KCTD1: variants seen among roughly 807,000 people sequenced by gnomAD.
The protein encoded by KCTD1 is potassium channel tetramerization domain containing 1.
KCTD1 carries 24 observed loss-of-function variants against 66.0 expected under a neutral mutation model. The ratio of observed to expected loss-of-function variants is 0.36; its 90% CI spans 0.26 to 0.51. The LOEUF (loss-of-function observed/expected upper bound fraction) is 0.51. KCTD1 is among the 20% of genes least tolerant of loss of function. KCTD1 has a pLI of 0.95. For synonymous variants in KCTD1, 511 were observed against 517.2 expected (o/e 0.99, Z 0.16); for missense variants, 943 against 1,205.2 (o/e 0.78, Z 3.22).
chr18:26,560,469 A>G, intron 1 of KCTD1, among the ~76,000 whole-genome samples: 1 of 152,080 alleles, frequency 6.6e-6, no homozygotes, highest in East Asian at 1.9e-4. Context: ...AAATACTGAT[A>G]CCCAGATCCT....
intron 1 of KCTD1, among the ~76,000 whole-genome samples, chr18:26,554,565 T>C (rs1598939080): frequency 6.6e-6 from 1 of 152,224 alleles, no homozygotes; most frequent in Non-Finnish European, 1.5e-5. Flanking sequence ...AGAGGCACTT[T>C]CTATTGAAAT....
At chr18:26,508,705 ATATT>A (rs146935757) in intron 1 of KCTD1, among the ~76,000 whole-genome samples, 61,773 of 148,290 alleles carry the variant, frequency 0.42, 13,759 homozygotes, top group Middle Eastern at 0.54. Context: ...GGATTTAAAT[ATATT>A]TCTCTCTCTC....
chr18:26,648,661 T>C (rs1222613262), intron 1 of KCTD1, among the ~76,000 whole-genome samples: 1 of 152,182 alleles, frequency 6.6e-6, no homozygotes, highest in African/African-American at 2.4e-5. Context: ...TATGTAACGT[T>C]CCTAGCATAT....
intron 1 of KCTD1, among the ~76,000 whole-genome samples, chr18:26,610,111 A>G (rs1949435142): frequency 6.6e-6 from 1 of 152,210 alleles, no homozygotes; most frequent in South Asian, 2.1e-4. Flanking sequence ...GGGTACATCT[A>G]TGGTGTCTGT....
chr18:26,636,011 TG>T (rs1987715745), intron 1 of KCTD1, among the ~76,000 whole-genome samples: 1 of 151,948 alleles, frequency 6.6e-6, no homozygotes, highest in African/African-American at 2.4e-5. Flanking sequence ...GGGGTTGTTA[TG>T]GGGTTGGGGC....
intron 1 of KCTD1, among the ~76,000 whole-genome samples, chr18:26,580,973 A>G (rs141299083): frequency 6.6e-6 from 1 of 152,340 alleles, no homozygotes; most frequent in East Asian, 1.9e-4. Context: ...TGGCCCACAC[A>G]GCCTAAACTA....
chr18:26,511,307 A>G (rs568233793), intron 1 of KCTD1, among the ~76,000 whole-genome samples: 50 of 152,346 alleles, frequency 3.3e-4, no homozygotes, highest in African/African-American at 1.2e-3. Context: ...CAGCTGACAC[A>G]GAAGACGATT....
chr18:26,509,171 A>G (rs1469443398), intron 1 of KCTD1, among the ~76,000 whole-genome samples: 1 of 151,828 alleles, frequency 6.6e-6, no homozygotes, highest in Admixed American at 6.6e-5. Context: ...AAAAAAAAAA[A>G]CAAACTCGGC....
chr18:26,472,652 T>C (rs1209904501), intron 3 of KCTD1, among the ~76,000 whole-genome samples: 1 of 152,138 alleles, frequency 6.6e-6, no homozygotes, highest in African/African-American at 2.4e-5. Flanking sequence ...CTCCCTAAAG[T>C]GGGAAAGGGT....
chr18:26,511,185 A>G (rs1400358264), intron 1 of KCTD1, among the ~76,000 whole-genome samples: 1 of 152,254 alleles, frequency 6.6e-6, no homozygotes, highest in East Asian at 1.9e-4. Flanking sequence ...AAAGAAATAC[A>G]AGAATGGAAC....
rs1000370116 is a variant in KCTD1 at position 26,466,355 on chromosome 18, G to A, written c.2134-6430C>T. Among the ~76,000 whole-genome samples, 6 of 152,180 alleles carry A rather than the reference G, an allele frequency of 3.9e-5. 1 individual carries two copies. The highest frequency in any genetic ancestry group is 3.3e-4 in the Admixed American group (5 of 15,278). On this transcript the variant is annotated intron_variant, in intron 3 of 4. Transcript: ENST00000580059. The stretch of plus-strand genomic sequence containing the variant: ...GGGCGGTCCTGTTGTTTCCATCCCT[G>A]AGAGAAAGCTTCCACTAATTCTATG...
At chr18:26,637,579 C>T (rs189350839) in intron 1 of KCTD1, among the ~76,000 whole-genome samples, 1 of 152,220 alleles carries the variant, frequency 6.6e-6, no homozygotes, top group African/African-American at 2.4e-5. Context: ...ACTAAGAAGC[C>T]TGGCGTCCTT....
At chr18:26,511,291 C>T (rs1022901335) in intron 1 of KCTD1, among the ~76,000 whole-genome samples, 21 of 152,076 alleles carry the variant, frequency 1.4e-4, no homozygotes, top group Non-Finnish European at 2.4e-4. Flanking sequence ...CAAGGGAGCT[C>T]GTATTCAGCT....
intron 2 of KCTD1, among the ~76,000 whole-genome samples, chr18:26,479,548 G>C (rs1431521289): frequency 6.6e-6 from 1 of 152,280 alleles, no homozygotes; most frequent in Non-Finnish European, 1.5e-5. Context: ...GGGGTGTGGA[G>C]AGAAAGAGGA....
chr18:26,538,590 G>T (rs544893774), intron 1 of KCTD1, among the ~76,000 whole-genome samples: 9 of 152,174 alleles, frequency 5.9e-5, no homozygotes, highest in Non-Finnish European at 1.2e-4. Flanking sequence ...CAAACTGAAG[G>T]CTGGGGCTAG....
At chr18:26,549,845 C>T (rs1985480301), upstream of KCTD1, 1 of 978,966 alleles carries the variant, frequency 1.0e-6, no homozygotes, top group Non-Finnish European at 1.2e-6. Context: ...TCTCGCTTTC[C>T]CATAGGAGAC....
chr18:26,618,982 GT>G (rs1463259140), intron 1 of KCTD1, among the ~76,000 whole-genome samples: 45 of 152,328 alleles, frequency 3.0e-4, no homozygotes, highest in African/African-American at 1.1e-3. Flanking sequence ...TGCCTATAGA[GT>G]GAGGCTCTGC....
At chr18:26,655,745 G>T (rs994110451) in intron 1 of KCTD1, 5 of 152,222 alleles carry the variant, frequency 3.3e-5, no homozygotes, top group Non-Finnish European at 5.9e-5. Context: ...CCACGACAGT[G>T]CAAGTGTTCG....
chr18:26,623,879 G>A (rs1409611523), intron 1 of KCTD1, among the ~76,000 whole-genome samples: 1 of 152,174 alleles, frequency 6.6e-6, no homozygotes, highest in African/African-American at 2.4e-5. Flanking sequence ...CAGGAGACAG[G>A]AAGATGTGGG....
Sources: allele counts gnomAD v4.1 joint callset (sites outside exome capture counted in the v4.1 genomes callset), GRCh38; gene constraint gnomAD v4.1.1; transcripts MANE v1.5; gene names NCBI Gene and HGNC (gene_info 2026-07-23, HGNC 2026-07-21).